GRK5: variants seen among roughly 807,000 people sequenced by gnomAD.
GRK5 encodes the protein g protein-coupled receptor kinase GRK5.
GRK5 carries 40 observed loss-of-function variants against 78.4 expected under a neutral mutation model. The ratio of observed to expected loss-of-function variants is 0.51; its 90% CI spans 0.40 to 0.66. GRK5 has a LOEUF of 0.66. GRK5 is among the 30% of genes least tolerant of loss of function. The pLI is 0.00. For synonymous variants in GRK5, 289 were observed against 296.8 expected, an observed-to-expected ratio of 0.97 and a Z score of 0.27; for missense variants, 598 against 759.9, an observed-to-expected ratio of 0.79 and a Z score of 2.50.
In GRK5 at chr10:119,264,491, C is replaced by T. The variant is rs138024931; in HGVS notation, c.52+56522C>T. ...CTACCGCTCATCCTTCTCCCCATGA[C>T]GATAAAGATGGCCAGTGGCTGTGTG... On this transcript the variant is annotated intron_variant, in intron 1 of 15. Transcript: ENST00000392870. The surrounding 1 kb of genome is among the most constrained non-coding windows in gnomAD (Gnocchi z 4.1). Among the ~76,000 whole-genome samples, 21 of 152,242 alleles carry T rather than the reference C, an allele frequency of 1.4e-4. No individual in the cohort carries two copies. The highest frequency in any genetic ancestry group is 3.9e-4 in the Admixed American group (6 of 15,290).
rs551434317 is a variant in GRK5 at position 119,261,187 on chromosome 10, G to T, written c.52+53218G>T. Among the ~76,000 whole-genome samples the T allele has an allele frequency of 3.4e-3, 506 of 150,728 alleles. 1 individual carries two copies. The highest frequency in any genetic ancestry group is 0.011 in the African/African-American group (463 of 40,930). On this transcript the variant is annotated intron_variant, in intron 1 of 15. Coordinates refer to ENST00000392870, the MANE Select transcript of GRK5 (RefSeq NM_005308.3). ...AGGCTCCTCACTTCTCAAACGGGGC[G>T]GCTGCCGGGCGGAGGGTCTCCTCAC...
At chr10:119,406,507 T>G in intron 4 of GRK5, 1 of 983,726 alleles carries the variant, frequency 1.0e-6, no homozygotes, top group Non-Finnish European at 1.2e-6. Context: ...CCCTGGGGCT[T>G]GGGGTCCCAG....
chr10:119,328,670 G>A (rs1429484278), intron 2 of GRK5, among the ~76,000 whole-genome samples: 1 of 152,232 alleles, frequency 6.6e-6, no homozygotes, highest in Non-Finnish European at 1.5e-5. Flanking sequence ...AGGGCTGCTC[G>A]GAGAGACCTT....
At chr10:119,362,608 G>T (rs187169590) in intron 2 of GRK5, among the ~76,000 whole-genome samples, 6 of 152,332 alleles carry the variant, frequency 3.9e-5, no homozygotes, top group South Asian at 2.1e-4. Flanking sequence ...CAGGGAAGAA[G>T]AACATTCTGC....
At chr10:119,441,932 G>T in intron 10 of GRK5, 67 bp from the exon 11 acceptor site, 2 of 1,290,126 alleles carry the variant, frequency 1.6e-6, no homozygotes, top group Non-Finnish European at 2.3e-6. Context: ...TTGCCCAAGG[G>T]CACACAGCAA....
At chr10:119,259,930 A>G (rs897728465) in intron 1 of GRK5, among the ~76,000 whole-genome samples, 3 of 152,208 alleles carry the variant, frequency 2.0e-5, no homozygotes, top group Admixed American at 6.5e-5. Context: ...AGCTTTTTCT[A>G]TGAACATAAG....
chr10:119,229,505 G>C (rs1318485944), intron 1 of GRK5, among the ~76,000 whole-genome samples: 1 of 152,162 alleles, frequency 6.6e-6, no homozygotes, highest in Non-Finnish European at 1.5e-5. Flanking sequence ...GGGTGCTTTA[G>C]CATGTGCAAA....
intron 8 of GRK5, among the ~76,000 whole-genome samples, chr10:119,435,023 G>A (rs1010449723): frequency 8.5e-5 from 13 of 152,192 alleles, no homozygotes; most frequent in African/African-American, 2.9e-4. Flanking sequence ...TTCCACCATG[G>A]CTCGAGCACT....
chr10:119,420,772 G>A (rs1852556059), intron 4 of GRK5, among the ~76,000 whole-genome samples: 1 of 152,042 alleles, frequency 6.6e-6, no homozygotes, highest in Non-Finnish European at 1.5e-5. Context: ...GTAGAGATAG[G>A]CTGTCACTAT....
chr10:119,421,995 A>G (rs1852579686), intron 4 of GRK5, among the ~76,000 whole-genome samples: 1 of 152,172 alleles, frequency 6.6e-6, no homozygotes, highest in South Asian at 2.1e-4. Context: ...GACTCTTAGC[A>G]AATCAGCCCC....
At chr10:119,393,278 T>G (rs1193786470) in intron 3 of GRK5, among the ~76,000 whole-genome samples, 2 of 152,248 alleles carry the variant, frequency 1.3e-5, no homozygotes, top group Non-Finnish European at 2.9e-5. Context: ...GGGAGGCCTG[T>G]CCCCGCGTGC....
chr10:119,277,851 C>T (rs1257515224), intron 1 of GRK5, among the ~76,000 whole-genome samples: 1 of 152,124 alleles, frequency 6.6e-6, no homozygotes, highest in Non-Finnish European at 1.5e-5. Flanking sequence ...TAGCAAGTAC[C>T]CTTTCTCATG....
intron 1 of GRK5, among the ~76,000 whole-genome samples, chr10:119,323,002 C>T (rs1335755388): frequency 2.0e-5 from 3 of 152,234 alleles, no homozygotes; most frequent in East Asian, 1.9e-4. Context: ...GACACATGCT[C>T]CAACATGGGC....
Position 119,452,815 on chromosome 10 carries a change from A to G in GRK5, c.1542+7A>G, listed in dbSNP as rs1204230354. 5.1e-6 allele frequency: 6 copies of G among 1,169,282 alleles called. No homozygotes were observed. The allele number at this position is 1,169,282 out of a possible 1,614,324, so 72.4% of individuals were successfully genotyped here. A position where few individuals can be genotyped will look rare whatever the true frequency, so the allele number is the denominator to read the frequency against. ...CATCCCATGGCAAAACGAGGTGAGC[A>G]GGGCAGACCACTTGCTTTGGTCTGG... On this transcript the variant is annotated splice_region_variant and intron_variant, in intron 14 of 15. Transcript: ENST00000392870. The surrounding 1 kb of genome is among the most constrained non-coding windows in gnomAD (Gnocchi z 4.4).
chr10:119,231,501 T>G (rs529819272), intron 1 of GRK5, among the ~76,000 whole-genome samples: 99 of 150,362 alleles, frequency 6.6e-4, no homozygotes, highest in Non-Finnish European at 1.2e-3. Context: ...AGGTCAGGAG[T>G]TCGAAACCAG....
intron 1 of GRK5, among the ~76,000 whole-genome samples, chr10:119,261,514 T>C (rs990792715): frequency 2.6e-4 from 40 of 152,032 alleles, no homozygotes; most frequent in African/African-American, 9.6e-4. Flanking sequence ...GGGCAGAGGC[T>C]GCAATCTCGG....
At chr10:119,368,843 G>A (rs914109011) in intron 2 of GRK5, among the ~76,000 whole-genome samples, 4 of 152,202 alleles carry the variant, frequency 2.6e-5, no homozygotes, top group Admixed American at 6.5e-5. Context: ...TGACCCTTTC[G>A]TTGCCTTGGA....
Position 119,232,034 on chromosome 10 carries a change from G to A in GRK5, c.52+24065G>A, listed in dbSNP as rs191613979. Among the ~76,000 whole-genome samples, 262 of 152,296 alleles carry A rather than the reference G, an allele frequency of 1.7e-3. 1 individual carries two copies. The highest frequency in any genetic ancestry group is 6.0e-3 in the African/African-American group (249 of 41,556). On this transcript the variant is annotated intron_variant, in intron 1 of 15. Coordinates refer to ENST00000392870, the MANE Select transcript of GRK5 (RefSeq NM_005308.3). ...ATCAAAGAGACATCTGCACCCCCAT[G>A]TTTATTGCAGCACTATTCACAATAG... is the stretch of plus-strand genomic sequence containing the variant.
In GRK5 at chr10:119,444,826, G is replaced by A. The variant is rs1436349095; in HGVS notation, c.1266+1074G>A. On this transcript the variant is annotated intron_variant, in intron 12 of 15. Transcript: ENST00000392870. ...CAGGCACTTTTGGGGCAGATTCAGC[G>A]TGTGCATTGACAACCCAGGCAACTC... Among the ~76,000 whole-genome samples, 5 of 152,340 alleles carry A rather than the reference G, an allele frequency of 3.3e-5. No individual in the cohort carries two copies. In the East Asian group the frequency reaches 7.7e-4, roughly 23 times the overall value.
Sources: allele counts gnomAD v4.1 joint callset (sites outside exome capture counted in the v4.1 genomes callset), GRCh38; gene constraint gnomAD v4.1.1; non-coding constraint Gnocchi (gnomAD v3.1); transcripts MANE v1.5; gene names NCBI Gene and HGNC (gene_info 2026-07-23, HGNC 2026-07-21).